Variants in FAM222B observed in about 807,000 individuals in gnomAD.
FAM222B encodes protein FAM222B.
FAM222B carries 12 observed loss-of-function variants against 38.0 expected under a neutral mutation model. The observed-to-expected ratio is 0.32, with a 90% CI of 0.20 to 0.51. The LOEUF (loss-of-function observed/expected upper bound fraction) is 0.51, where lower values mean the gene tolerates loss of function less well. FAM222B is among the 20% of genes least tolerant of loss of function. The pLI, the probability that FAM222B is intolerant of heterozygous loss-of-function variation, is 0.97. For missense variants in FAM222B, 716 were observed against 754.2 expected (o/e 0.95, Z 0.59); for synonymous variants, 329 against 317.2 (o/e 1.04, Z -0.40).
intron 1 of FAM222B, among the ~76,000 whole-genome samples, chr17:28,784,093 A>G (rs9890377): frequency 0.19 from 28,737 of 151,974 alleles, 2,848 homozygotes; most frequent in South Asian, 0.3. Flanking sequence ...AGCCACCACC[A>G]CACCTGGCCG....
chr17:28,788,441 G>GT (rs1009015467), intron 1 of FAM222B, among the ~76,000 whole-genome samples: 13 of 151,908 alleles, frequency 8.6e-5, no homozygotes, highest in Admixed American at 5.9e-4. Context: ...TTTTTGCCAT[G>GT]TTGCCCAGGC....
intron 1 of FAM222B, among the ~76,000 whole-genome samples, chr17:28,785,262 C>G (rs528999690): frequency 6.6e-6 from 1 of 152,222 alleles, no homozygotes; most frequent in African/African-American, 2.4e-5. Flanking sequence ...CTGTGACCAG[C>G]CTTTTAAAAG....
chr17:28,790,883 A>AAATTTTTTTTTTT (rs1567838640), intron 1 of FAM222B, among the ~76,000 whole-genome samples: 5 of 8,906 alleles, frequency 5.6e-4, no homozygotes, highest in African/African-American at 2.7e-3. Flanking sequence ...AAATTGTTTC[A>AAATTTTTTTTTTT]CTTTTTTTTT....
In FAM222B at chr17:28,758,343, C is replaced by T. The variant is rs781762156; in HGVS notation, c.1616G>A (p.Arg539Gln). ...ATCGGGGGCTCGGTTGCCAGGGGCT[C>T]GGTGGGCCTTGCTCAGCATGGCCAG... Reference protein sequence around the residue: ...QSLAMLSKAHRAPGNRAPDPT... With the variant: ...QSLAMLSKAHQAPGNRAPDPT... Residue 539 changes from arginine to glutamine, a missense_variant, in exon 3 of 3, where the codon CGA becomes CAA. Arg to Gln is a conservative substitution (Grantham distance 43, BLOSUM62 1). Transcript: ENST00000581407. 1.6e-5 allele frequency: 26 copies of T among 1,612,282 alleles called. No homozygotes were observed. In the South Asian group the frequency reaches 1.6e-4, roughly 10 times the overall value.
chr17:28,837,303 G>A lies in FAM222B; in HGVS notation c.-41+5379C>T, dbSNP rs1307293626. Among the ~76,000 whole-genome samples the A allele has an allele frequency of 5.9e-5, 9 of 151,654 alleles. No individual in the cohort carries two copies. In the South Asian group the frequency reaches 6.3e-4, roughly 11 times the overall value. On this transcript the variant is annotated intron_variant, in intron 1 of 2. Coordinates refer to ENST00000581407, the MANE Select transcript of FAM222B (RefSeq NM_001077498.3). The stretch of plus-strand genomic sequence containing the variant: ...AAATTAGCTGGGTGTGTTGGTGGGC[G>A]CCTGTAGTCCTAGCTACTAGGGAGG...
rs35953415 is a variant in FAM222B at position 28,800,034 on chromosome 17, C to CT, written c.-40-33328dup. On this transcript the variant is annotated intron_variant, in intron 1 of 2. Coordinates refer to ENST00000581407, the MANE Select transcript of FAM222B (RefSeq NM_001077498.3). ...TTCTCTGGTTGAGCAATGATACTTT[C>CT]TTTTTTTTTTTTTTGAGACGGAGTT... 3.2e-3 allele frequency among the ~76,000 whole-genome samples: 462 copies of CT among 144,784 alleles called. 2 individuals carry two copies. The East Asian group carries it at 0.038, about 12-fold the overall frequency. The allele number at this position is 144,784 out of a possible 152,430, so 95.0% of individuals were successfully genotyped here. A position where few individuals can be genotyped will look rare whatever the true frequency, so the allele number is the denominator to read the frequency against.
chr17:28,817,612 G>A (rs553559959), intron 1 of FAM222B, among the ~76,000 whole-genome samples: 118 of 152,036 alleles, frequency 7.8e-4, no homozygotes, highest in Middle Eastern at 3.4e-3. Context: ...CCAGCTACTC[G>A]GGAGGCTGAG....
intron 1 of FAM222B, chr17:28,812,426 CCAGCCGG>C (rs2037823589): frequency 6.6e-6 from 1 of 152,522 alleles, no homozygotes; most frequent in Non-Finnish European, 1.5e-5. Flanking sequence ...ACCCCCTCCC[CCAGCCGG>C]CTGCCGCTTG....
intron 1 of FAM222B, among the ~76,000 whole-genome samples, chr17:28,772,229 G>A (rs1350709942): frequency 6.6e-6 from 1 of 151,978 alleles, no homozygotes. Flanking sequence ...GTATTTTTTG[G>A]AAAGAACCAA....
intron 1 of FAM222B, among the ~76,000 whole-genome samples, chr17:28,848,320 C>T (rs1159674567): frequency 6.6e-6 from 1 of 152,082 alleles, no homozygotes; most frequent in African/African-American, 2.4e-5. Context: ...GAGTTGGTTC[C>T]GAGTTGTGTG....
upstream of FAM222B, among the ~76,000 whole-genome samples, chr17:28,843,030 C>T (rs546873476): frequency 9.8e-5 from 15 of 152,286 alleles, no homozygotes; most frequent in South Asian, 2.1e-4. Context: ...GATCGCGCTT[C>T]CCCAAGGAGC....
upstream of FAM222B, among the ~76,000 whole-genome samples, chr17:28,845,078 G>A (rs1191547128): frequency 6.6e-6 from 1 of 150,926 alleles, no homozygotes; most frequent in Non-Finnish European, 1.5e-5. Flanking sequence ...CTCCAGCCTG[G>A]ATAACAGAGT....
chr17:28,785,089 T>C (rs1181769700), intron 1 of FAM222B, among the ~76,000 whole-genome samples: 1 of 152,142 alleles, frequency 6.6e-6, no homozygotes, highest in Non-Finnish European at 1.5e-5. Flanking sequence ...CTAATCTAGA[T>C]GGAACAAGTA....
chr17:28,766,981 G>T (rs753380900), intron 1 of FAM222B: 2 of 314,004 alleles, frequency 6.4e-6, no homozygotes, highest in Non-Finnish European at 1.2e-5. Flanking sequence ...GGAAAGTACA[G>T]GTGCATTTAT....
chr17:28,780,390 A>G (rs1285725700), intron 1 of FAM222B, among the ~76,000 whole-genome samples: 1 of 152,208 alleles, frequency 6.6e-6, no homozygotes, highest in Non-Finnish European at 1.5e-5. Context: ...CCAAAAAACT[A>G]TTAGAACTAA....
chr17:28,788,195 G>A (rs1360431340), intron 1 of FAM222B, among the ~76,000 whole-genome samples: 1 of 152,038 alleles, frequency 6.6e-6, no homozygotes, highest in Non-Finnish European at 1.5e-5. Context: ...GAATTATTTG[G>A]CTCCCTTCTG....
chr17:28,767,516 C>G (rs2035399846), intron 1 of FAM222B, among the ~76,000 whole-genome samples: 1 of 151,886 alleles, frequency 6.6e-6, no homozygotes, highest in South Asian at 2.1e-4. Context: ...TCTGCTGTCA[C>G]CTAGGCTGGA....
At chr17:28,818,596 G>T (rs995984109) in intron 1 of FAM222B, among the ~76,000 whole-genome samples, 1 of 151,344 alleles carries the variant, frequency 6.6e-6, no homozygotes, top group Non-Finnish European at 1.5e-5. Flanking sequence ...AGACTCTATA[G>T]GAATGACTGA....
chr17:28,828,999 G>A (rs775377757), intron 1 of FAM222B, among the ~76,000 whole-genome samples: 1 of 151,950 alleles, frequency 6.6e-6, no homozygotes, highest in African/African-American at 2.4e-5. Flanking sequence ...TCCGACTCCC[G>A]GGTTCAAGCG....
Sources: allele counts gnomAD v4.1 joint callset (sites outside exome capture counted in the v4.1 genomes callset), GRCh38; gene constraint gnomAD v4.1.1; transcripts MANE v1.5; gene names NCBI Gene and HGNC (gene_info 2026-07-23, HGNC 2026-07-21).